CDK17: variants seen among roughly 807,000 people sequenced by gnomAD.
The protein encoded by CDK17 is cyclin-dependent kinase 17.
CDK17 carries 24 observed loss-of-function variants against 77.6 expected under a neutral mutation model. The ratio of observed to expected loss-of-function variants is 0.31; its 90% CI spans 0.22 to 0.44. The LOEUF (loss-of-function observed/expected upper bound fraction) is 0.44. CDK17 is among the 20% of genes least tolerant of loss of function. The pLI is 1.00. For missense variants in CDK17, 429 were observed against 622.5 expected (o/e 0.69, Z 3.31); for synonymous variants, 203 against 210.4 (o/e 0.96, Z 0.30).
In CDK17 at chr12:96,297,255, C is replaced by G. The variant is rs775016188; in HGVS notation, c.873+15G>C. 12 of 1,572,910 alleles carry G rather than the reference C, an allele frequency of 7.6e-6. No individual in the cohort carries two copies. The highest frequency in any genetic ancestry group is 1.0e-5 in the Non-Finnish European group (12 of 1,147,244). ...TTAAACAAAATTTAAAAATTACACA[C>G]GCAAGAAAACATACCTTTACGTTGT... On this transcript the variant is annotated intron_variant, in intron 9 of 16. Transcript: ENST00000261211.
rs145088718 is a variant in CDK17 at position 96,286,125 on chromosome 12, G to T, written c.1240C>A (p.Pro414Thr). The T allele has an allele frequency of 3.0e-5, 43 of 1,430,236 alleles. No individual in the cohort carries two copies. Among genetic ancestry groups the T allele is most frequent in the Non-Finnish European group, 3.7e-5 (40 of 1,078,320 alleles). The allele number at this position is 1,430,236 out of a possible 1,614,324, so 88.6% of individuals were successfully genotyped here. A position where few individuals can be genotyped will look rare whatever the true frequency, so the allele number is the denominator to read the frequency against. ...LLGTPSQETW[P>T]GISSNEEFKN... ...AACTCCTCATTTGAAGAAATACCTG[G>T]CCAAGTTTCCTGAGATGGAGTTCCT... is the stretch of plus-strand genomic sequence containing the variant. The change falls in exon 13 of 17, where the codon CCA becomes ACA. Residue 414 changes from proline (P) to threonine (T), a missense_variant. Coordinates refer to ENST00000261211, the MANE Select transcript of CDK17 (RefSeq NM_002595.5).
rs768915513 is a variant in CDK17 at position 96,380,199 on chromosome 12, A to C, written c.-30+19787T>G. Among the ~76,000 whole-genome samples the C allele has an allele frequency of 1.6e-4, 24 of 151,402 alleles. No homozygotes were observed. In the South Asian group the frequency reaches 1.9e-3, roughly 12 times the overall value. ...CAAAAAAAAAACAAAAAAAAAACCC[A>C]AAAAAGAAAAACCAGTAATTCTCAT... is the stretch of plus-strand genomic sequence containing the variant. On this transcript the variant is annotated intron_variant, in intron 1 of 16. Coordinates refer to ENST00000261211, the MANE Select transcript of CDK17 (RefSeq NM_002595.5).
At chr12:96,310,760 A>C (rs1212388694) in intron 5 of CDK17, among the ~76,000 whole-genome samples, 2 of 150,434 alleles carry the variant, frequency 1.3e-5, no homozygotes, top group African/African-American at 4.9e-5. Flanking sequence ...TCCAGCACAT[A>C]TCTAGTGTAT....
chr12:96,347,160 TA>T (rs1357601620), intron 1 of CDK17, among the ~76,000 whole-genome samples: 1 of 152,010 alleles, frequency 6.6e-6, no homozygotes, highest in African/African-American at 2.4e-5. Context: ...AAAAATATAT[TA>T]AGCAAAAACA....
At chr12:96,310,712 CTCTGTA>C (rs2137103700) in intron 5 of CDK17, among the ~76,000 whole-genome samples, 1 of 150,610 alleles carries the variant, frequency 6.6e-6, no homozygotes, top group East Asian at 1.9e-4. Flanking sequence ...TTGTGTACTT[CTCTGTA>C]TATCTAGTAT....
intron 1 of CDK17, among the ~76,000 whole-genome samples, chr12:96,355,198 A>C (rs150229266): frequency 2.6e-4 from 39 of 151,636 alleles, no homozygotes; most frequent in African/African-American, 9.2e-4. Flanking sequence ...CTTTTTTTGC[A>C]CTTGCCCTTC....
intron 1 of CDK17, among the ~76,000 whole-genome samples, chr12:96,347,791 A>C (rs1953246012): frequency 6.6e-6 from 1 of 152,214 alleles, no homozygotes; most frequent in African/African-American, 2.4e-5. Context: ...GACAGGCCAT[A>C]AGGCAGGCCA....
Position 96,282,561 on chromosome 12 carries a change from C to CA in CDK17, c.1403dup (p.Met468IlefsTer118). On this transcript the variant is annotated frameshift_variant, in exon 15 of 17. Transcript: ENST00000261211. LOFTEE classifies it high-confidence loss of function. The stretch of plus-strand genomic sequence containing the variant: ...CCAGACTTCGAAAGTACACATGTTT[C>CA]ATGGCCTCTTCAGCTGAAACCCTTT... The CA allele has an allele frequency of 6.2e-7, 1 of 1,613,092 alleles. No homozygotes were observed. The highest frequency in any genetic ancestry group is 8.5e-7 in the Non-Finnish European group (1 of 1,179,070).
intron 1 of CDK17, among the ~76,000 whole-genome samples, chr12:96,385,945 T>G (rs1953965841): frequency 6.6e-6 from 1 of 151,822 alleles, no homozygotes; most frequent in South Asian, 2.1e-4. Flanking sequence ...CAACTCCCGG[T>G]AAAACTAAAA....
Position 96,341,804 on chromosome 12 carries a change from T to C in CDK17, c.-29-6939A>G, listed in dbSNP as rs1047221905. On this transcript the variant is annotated intron_variant, in intron 1 of 16. Coordinates refer to ENST00000261211, the MANE Select transcript of CDK17 (RefSeq NM_002595.5). ...GTCTTTACTTGTAAAAATGGTGTTA[T>C]AGTGTGGTTTTCTCAGCACTTGCAG... Among the ~76,000 whole-genome samples the C allele has an allele frequency of 4.6e-5, 7 of 152,218 alleles. No individual in the cohort carries two copies. In the South Asian group the frequency reaches 6.2e-4, roughly 13 times the overall value.
chr12:96,367,392 A>T (rs79806132), intron 1 of CDK17, among the ~76,000 whole-genome samples: 6,233 of 148,248 alleles, frequency 0.042, 471 homozygotes, highest in African/African-American at 0.15. Context: ...AAAGTAAAAT[A>T]GTTCTCAAGT....
At chr12:96,283,787 A>G (rs1952208633) in intron 13 of CDK17, 142 bp from the exon 14 acceptor site, 1 of 559,264 alleles carries the variant, frequency 1.8e-6, no homozygotes, top group Non-Finnish European at 3.1e-6. Flanking sequence ...AATAGACACA[A>G]ATCTGTTTTA....
chr12:96,375,094 T>G (rs1173733099), intron 1 of CDK17, among the ~76,000 whole-genome samples: 2 of 152,176 alleles, frequency 1.3e-5, no homozygotes, highest in African/African-American at 4.8e-5. Context: ...CCATCCACAA[T>G]TATATGATGA....
chr12:96,324,537 C>CA (rs759233384), intron 2 of CDK17, among the ~76,000 whole-genome samples: 2 of 152,118 alleles, frequency 1.3e-5, no homozygotes, highest in Non-Finnish European at 2.9e-5. Context: ...GAGGCCGAGG[C>CA]AGGCGGATCA....
chr12:96,335,556 C>T (rs567392223), intron 1 of CDK17, among the ~76,000 whole-genome samples: 37 of 152,290 alleles, frequency 2.4e-4, no homozygotes, highest in African/African-American at 8.2e-4. Flanking sequence ...CCCATTTTCA[C>T]ACATGAGGAA....
At chr12:96,324,557 A>G (rs1952868697) in intron 2 of CDK17, among the ~76,000 whole-genome samples, 1 of 152,118 alleles carries the variant, frequency 6.6e-6, no homozygotes, top group South Asian at 2.1e-4. Context: ...ACCTGAGGTC[A>G]GGAGTTTGAG....
intron 15 of CDK17, chr12:96,281,710 C>A (rs972748503): frequency 1.3e-5 from 2 of 152,242 alleles, no homozygotes; most frequent in African/African-American, 4.8e-5. Flanking sequence ...TTATCTTTTT[C>A]ATTTCCAATC....
intron 3 of CDK17, among the ~76,000 whole-genome samples, chr12:96,316,394 T>C (rs1952718993): frequency 6.7e-6 from 1 of 148,950 alleles, no homozygotes. Flanking sequence ...CGCCCGCCAT[T>C]GCCCAGGCTT....
rs111713614 is a variant in CDK17 at position 96,364,648 on chromosome 12, A to C, written c.-29-29783T>G. On this transcript the variant is annotated intron_variant, in intron 1 of 16. Transcript: ENST00000261211. The stretch of plus-strand genomic sequence containing the variant: ...TGTGCTTTAAATATATCCTCCTTAC[A>C]ACAACCACTCTCAGCTGAGTACCAT... Among the ~76,000 whole-genome samples the C allele has an allele frequency of 3.7e-3, 562 of 152,224 alleles. 2 individuals are homozygous for C. The highest frequency in any genetic ancestry group is 7.3e-3 in the Admixed American group (111 of 15,274).
Sources: gnomAD v4.1 joint callset for allele counts (sites outside exome capture counted in the v4.1 genomes callset) on GRCh38, gnomAD v4.1.1 for gene constraint, MANE v1.5 for transcripts, NCBI Gene and HGNC (gene_info 2026-07-23, HGNC 2026-07-21) for gene names.